Variants in ST18 observed in about 807,000 individuals in gnomAD.
The protein encoded by ST18 is ST18 C2H2C-type zinc finger transcription factor, also known as suppression of tumorigenicity 18 protein.
ST18 carries 50 observed loss-of-function variants against 110.0 expected under a neutral mutation model. That is an observed-to-expected ratio of 0.45 (90% CI 0.36 to 0.58). ST18 has a LOEUF of 0.58. Among genes scored for constraint, ST18 ranks in the 20% least tolerant of loss-of-function variants. ST18 has a pLI of 0.00. For synonymous variants in ST18, 461 were observed against 452.4 expected (o/e 1.02, Z -0.24); for missense variants, 1,306 against 1,280.1 (o/e 1.02, Z -0.31).
At chr8:52,286,224 C>T (rs1162009555) in intron 2 of ST18, among the ~76,000 whole-genome samples, 1 of 152,160 alleles carries the variant, frequency 6.6e-6, no homozygotes, top group African/African-American at 2.4e-5. Context: ...TGCAAATGTC[C>T]ACACTCAAAA....
chr8:52,409,123 G>A (rs1192965878), intron 2 of ST18: 1 of 152,152 alleles, frequency 6.6e-6, no homozygotes, highest in Non-Finnish European at 1.5e-5. Flanking sequence ...CTCCACAGCC[G>A]GCATTAGAAA....
intron 22 of ST18, among the ~76,000 whole-genome samples, chr8:52,129,669 G>T (rs1050636679): frequency 6.6e-6 from 1 of 152,084 alleles, no homozygotes; most frequent in Admixed American, 6.6e-5. Context: ...ATTTTAAATT[G>T]CAAGAGAACT....
rs186670952 is a variant in ST18 at position 52,308,784 on chromosome 8, A to C, written c.-464-78707T>G. 3.2e-3 allele frequency among the ~76,000 whole-genome samples: 492 copies of C among 152,300 alleles called. 2 individuals carry two copies. The highest frequency in any genetic ancestry group is 0.011 in the African/African-American group (466 of 41,572). On this transcript the variant is annotated intron_variant, in intron 2 of 25. Coordinates refer to ENST00000689386, the MANE Select transcript of ST18 (RefSeq NM_001352837.2). ...GGGAACAACTGGGGAGACACTGGAG[A>C]GGCCACCAGCACTGTCTGGACTGTG...
At chr8:52,141,752 C>T (rs1275689453) in intron 17 of ST18, among the ~76,000 whole-genome samples, 2 of 152,108 alleles carry the variant, frequency 1.3e-5, no homozygotes, top group African/African-American at 2.4e-5. Context: ...CTGCCTAATT[C>T]CTAGAGAGCT....
chr8:52,170,456 A>C (rs112221225), intron 10 of ST18, among the ~76,000 whole-genome samples: 3,433 of 100,290 alleles, frequency 0.034, 40 homozygotes, highest in African/African-American at 0.085. Flanking sequence ...AAAAATCAAT[A>C]AATAAATAAA....
intron 2 of ST18, among the ~76,000 whole-genome samples, chr8:52,270,871 A>G (rs1564379339): frequency 1.3e-5 from 2 of 151,818 alleles, no homozygotes; most frequent in Non-Finnish European, 1.5e-5. Flanking sequence ...TGAAGTGTGT[A>G]TTATGTGAAT....
At chr8:52,357,874 C>T (rs867645815) in intron 2 of ST18, among the ~76,000 whole-genome samples, 46 of 150,250 alleles carry the variant, frequency 3.1e-4, no homozygotes, top group Admixed American at 2.3e-3. Context: ...ATGTCTAGAG[C>T]GCTCCACCTC....
At chr8:52,265,828 T>C (rs183092668) in intron 2 of ST18, among the ~76,000 whole-genome samples, 7 of 152,296 alleles carry the variant, frequency 4.6e-5, no homozygotes, top group Non-Finnish European at 8.8e-5. Context: ...GTCATAGCCA[T>C]GTAGCTAGTA....
intron 2 of ST18, among the ~76,000 whole-genome samples, chr8:52,388,972 TTA>T (rs1838154186): frequency 3.1e-5 from 1 of 32,452 alleles, no homozygotes; most frequent in African/African-American, 4.5e-5. Context: ...TAATAATAAT[TTA>T]AAAAAAAAAA....
At chr8:52,312,351 G>C (rs1351238362) in intron 2 of ST18, among the ~76,000 whole-genome samples, 1 of 152,176 alleles carries the variant, frequency 6.6e-6, no homozygotes, top group Non-Finnish European at 1.5e-5. Context: ...AGTAGTTAAT[G>C]CCTTCATAAT....
chr8:52,232,068 T>C (rs1427082878), intron 2 of ST18, among the ~76,000 whole-genome samples: 3 of 152,230 alleles, frequency 2.0e-5, no homozygotes, highest in Non-Finnish European at 4.4e-5. Flanking sequence ...CACTATTAAA[T>C]GTGTTGAAGA....
intron 2 of ST18, among the ~76,000 whole-genome samples, chr8:52,283,064 G>A (rs748152382): frequency 2.0e-4 from 31 of 152,306 alleles, no homozygotes; most frequent in South Asian, 8.3e-4. Context: ...AGGGCACTGG[G>A]GGACTGAGCC....
intron 2 of ST18, among the ~76,000 whole-genome samples, chr8:52,367,498 G>C (rs965202762): frequency 6.6e-6 from 1 of 152,106 alleles, no homozygotes; most frequent in Non-Finnish European, 1.5e-5. Context: ...ATCACTACCA[G>C]ATCAAAGTGT....
At chr8:52,238,317 C>T (rs900426142) in intron 2 of ST18, among the ~76,000 whole-genome samples, 2 of 152,018 alleles carry the variant, frequency 1.3e-5, no homozygotes, top group African/African-American at 4.8e-5. Flanking sequence ...ACCCAAATGT[C>T]TATCAACCAA....
chr8:52,193,780 C>T (rs958196321), intron 8 of ST18, among the ~76,000 whole-genome samples: 2 of 152,340 alleles, frequency 1.3e-5, no homozygotes, highest in Admixed American at 1.3e-4. Flanking sequence ...GAAGCTATTG[C>T]TCATTCTGTA....
intron 2 of ST18, among the ~76,000 whole-genome samples, chr8:52,377,202 A>T (rs566650859): frequency 6.6e-6 from 1 of 152,336 alleles, no homozygotes; most frequent in South Asian, 2.1e-4. Flanking sequence ...GAAAAAAAAT[A>T]ATTATATTAC....
At chr8:52,325,321 T>C (rs1213757395) in intron 2 of ST18, among the ~76,000 whole-genome samples, 2 of 152,194 alleles carry the variant, frequency 1.3e-5, no homozygotes, top group African/African-American at 2.4e-5. Flanking sequence ...TTTATACAAA[T>C]AGGTAAGACC....
At chr8:52,140,402 C>T (rs1464256140) in intron 17 of ST18, among the ~76,000 whole-genome samples, 4 of 151,898 alleles carry the variant, frequency 2.6e-5, no homozygotes, top group African/African-American at 4.8e-5. Context: ...TGGTGGTGGG[C>T]GCCTGTAATC....
At chr8:52,384,834 C>A (rs1176436300) in intron 2 of ST18, among the ~76,000 whole-genome samples, 1 of 151,434 alleles carries the variant, frequency 6.6e-6, no homozygotes, top group East Asian at 1.9e-4. Context: ...CATCACTAGG[C>A]CCCTTAAAAA....
Sources: allele counts gnomAD v4.1 joint callset (sites outside exome capture counted in the v4.1 genomes callset), GRCh38; gene constraint gnomAD v4.1.1; transcripts MANE v1.5; gene names NCBI Gene and HGNC (gene_info 2026-07-23, HGNC 2026-07-21).